Variants in FHIT observed in about 807,000 individuals in gnomAD.
The protein encoded by FHIT is bis(5'-adenosyl)-triphosphatase.
A neutral mutation model predicts 17.9 loss-of-function variants in FHIT; 19 were observed. The observed-to-expected ratio is 1.06, with a 90% CI of 0.74 to 1.56. The LOEUF is 1.56. FHIT is among the 40% of genes most tolerant of loss of function. The probability of loss-of-function intolerance (pLI) is 0.00; values close to 1 mark genes in which losing one functional copy is unlikely to be tolerated. For synonymous variants in FHIT, 81 were observed against 69.7 expected (o/e 1.16, Z -0.81); for missense variants, 248 against 189.2 (o/e 1.31, Z -1.82).
At chr3:59,781,349 T>A (rs1702574091) in intron 8 of FHIT, among the ~76,000 whole-genome samples, 1 of 152,242 alleles carries the variant, frequency 6.6e-6, no homozygotes, top group African/African-American at 2.4e-5. Context: ...CAAAGTGCAC[T>A]GTGAGGTGAG....
intron 8 of FHIT, among the ~76,000 whole-genome samples, chr3:59,802,248 C>T (rs772399307): frequency 6.6e-6 from 1 of 152,156 alleles, no homozygotes; most frequent in African/African-American, 2.4e-5. Context: ...GTAGCCAAAG[C>T]GTCTGCCCTA....
At chr3:60,020,114 A>C (rs1339184400) in intron 5 of FHIT, among the ~76,000 whole-genome samples, 1 of 152,200 alleles carries the variant, frequency 6.6e-6, no homozygotes, top group African/African-American at 2.4e-5. Flanking sequence ...GGACTGGTGG[A>C]GTCAGAACAA....
At chr3:60,607,922 C>T (rs1202639395) in intron 4 of FHIT, among the ~76,000 whole-genome samples, 1 of 152,114 alleles carries the variant, frequency 6.6e-6, no homozygotes, top group Non-Finnish European at 1.5e-5. Flanking sequence ...TTCCCTTTGG[C>T]ACTTCTTACC....
chr3:60,433,455 G>T (rs550723139), intron 5 of FHIT, among the ~76,000 whole-genome samples: 3 of 152,040 alleles, frequency 2.0e-5, no homozygotes, highest in Admixed American at 2.0e-4. Context: ...CTAGATCATG[G>T]GGTAAATCTA....
chr3:60,919,948 C>T (rs782721135), intron 3 of FHIT, among the ~76,000 whole-genome samples: 16 of 151,690 alleles, frequency 1.1e-4, no homozygotes, highest in South Asian at 2.1e-4. Flanking sequence ...GGAGGAGAGT[C>T]GCTTGAACCA....
At chr3:60,876,317 C>G (rs1553756533) in intron 3 of FHIT, among the ~76,000 whole-genome samples, 3 of 152,124 alleles carry the variant, frequency 2.0e-5, no homozygotes, top group African/African-American at 7.2e-5. Flanking sequence ...AAGAATCTGA[C>G]AGATTGCCCC....
At chr3:60,921,834 T>C (rs797027057) in intron 3 of FHIT, among the ~76,000 whole-genome samples, 1 of 152,218 alleles carries the variant, frequency 6.6e-6, no homozygotes, top group African/African-American at 2.4e-5. Context: ...GGGCAAGACA[T>C]GTTCCCTGCC....
intron 3 of FHIT, among the ~76,000 whole-genome samples, chr3:60,933,450 C>T (rs1346416908): frequency 6.6e-6 from 1 of 152,144 alleles, no homozygotes; most frequent in Non-Finnish European, 1.5e-5. Flanking sequence ...TCTTAGAACT[C>T]CGGTGTGTAG....
chr3:60,534,983 A>T (rs2035929347), intron 5 of FHIT, among the ~76,000 whole-genome samples: 1 of 152,228 alleles, frequency 6.6e-6, no homozygotes, highest in South Asian at 2.1e-4. Flanking sequence ...AGATATGAGT[A>T]AAAAAACTAC....
At chr3:60,054,505 A>G (rs537062858) in intron 5 of FHIT, among the ~76,000 whole-genome samples, 24 of 152,318 alleles carry the variant, frequency 1.6e-4, no homozygotes, top group African/African-American at 4.3e-4. Flanking sequence ...ACACTTGTCA[A>G]TGAGCACCAG....
intron 2 of FHIT, among the ~76,000 whole-genome samples, chr3:61,144,977 C>T (rs1293997642): frequency 1.3e-5 from 2 of 152,116 alleles, no homozygotes; most frequent in Admixed American, 6.5e-5. Context: ...AATTTTCTCC[C>T]ATCTTTGGGT....
intron 7 of FHIT, among the ~76,000 whole-genome samples, chr3:59,936,820 A>G (rs1001922242): frequency 1.3e-5 from 2 of 152,186 alleles, no homozygotes; most frequent in Non-Finnish European, 2.9e-5. Flanking sequence ...GCTGAGCGCA[A>G]TACTACTGTG....
intron 5 of FHIT, among the ~76,000 whole-genome samples, chr3:60,473,406 G>A (rs1020003388): frequency 1.4e-4 from 22 of 152,114 alleles, no homozygotes; most frequent in African/African-American, 5.3e-4. Context: ...CTGAATTTAG[G>A]ATATGGATGT....
At chr3:61,122,085 C>T (rs1033705681) in intron 2 of FHIT, among the ~76,000 whole-genome samples, 14 of 152,216 alleles carry the variant, frequency 9.2e-5, no homozygotes, top group South Asian at 6.2e-4. Context: ...GGAGGCATCA[C>T]GCTACCTGAC....
chr3:61,036,464 A>G (rs1292413564), intron 3 of FHIT, among the ~76,000 whole-genome samples: 2 of 152,198 alleles, frequency 1.3e-5, no homozygotes, highest in African/African-American at 4.8e-5. Context: ...AGGGCACTTC[A>G]AATGTTCCTC....
chr3:60,638,090 A>C (rs1422975160), intron 4 of FHIT, among the ~76,000 whole-genome samples: 2 of 152,218 alleles, frequency 1.3e-5, no homozygotes, highest in Non-Finnish European at 2.9e-5. Context: ...TCTTAAGAGT[A>C]AAAATCAATG....
chr3:60,275,583 C>G (rs185933636), intron 5 of FHIT, among the ~76,000 whole-genome samples: 1 of 152,272 alleles, frequency 6.6e-6, no homozygotes, highest in Non-Finnish European at 1.5e-5. Flanking sequence ...CTTATATCCA[C>G]TACACAGAAA....
chr3:60,622,869 C>T (rs552284394), intron 4 of FHIT, among the ~76,000 whole-genome samples: 9 of 152,182 alleles, frequency 5.9e-5, no homozygotes, highest in Non-Finnish European at 7.3e-5. Context: ...TTCTGAGCTC[C>T]GTGCTCAAAA....
intron 4 of FHIT, among the ~76,000 whole-genome samples, chr3:60,632,760 C>T (rs2039479305): frequency 6.6e-6 from 1 of 152,074 alleles, no homozygotes. Context: ...TTCTAAAATT[C>T]ATTGTCACCG....
Sources: gnomAD v4.1 joint callset for allele counts (sites outside exome capture counted in the v4.1 genomes callset) on GRCh38, gnomAD v4.1.1 for gene constraint, MANE v1.5 for transcripts, NCBI Gene and HGNC (gene_info 2026-07-23, HGNC 2026-07-21) for gene names.